ACOXL: variants seen among roughly 807,000 people sequenced by gnomAD.
The protein encoded by ACOXL is acyl-CoA oxidase like.
In ACOXL, 70 loss-of-function variants were observed where a neutral mutation model predicts 71.9. That is an observed-to-expected ratio of 0.97 (90% confidence interval 0.80 to 1.19). ACOXL has a LOEUF of 1.19. ACOXL is among the 50% of genes most tolerant of loss of function. The pLI is 0.00. For missense variants in ACOXL, 703 were observed against 736.3 expected (o/e 0.95, Z 0.52); for synonymous variants, 253 against 281.6 (o/e 0.90, Z 1.02).
At chr2:111,002,274 GA>G (rs1341195076) in intron 14 of ACOXL, among the ~76,000 whole-genome samples, 4 of 152,008 alleles carry the variant, frequency 2.6e-5, no homozygotes, top group Middle Eastern at 3.2e-3. Flanking sequence ...TTTATTTTAA[GA>G]TGCTAAATTT....
rs193128770 is a variant in ACOXL, at chr2:111,019,424, C to T, written c.1282-12203C>T. Among the ~76,000 whole-genome samples, 853 of 152,306 alleles carry T rather than the reference C, an allele frequency of 5.6e-3. 6 individuals are homozygous for T. The highest frequency in any genetic ancestry group is 0.01 in the Middle Eastern group (3 of 294). On this transcript the variant is annotated intron_variant, in intron 14 of 17. Coordinates refer to ENST00000439055, the MANE Select transcript of ACOXL (RefSeq NM_001142807.4). ...GATCATCCAACAATCATTTTCTATT[C>T]CGAAAGGCTCGGTAATGAAAACCGG...
chr2:110,944,072 T>C (rs993321154), intron 12 of ACOXL, among the ~76,000 whole-genome samples: 11 of 152,184 alleles, frequency 7.2e-5, no homozygotes, highest in African/African-American at 2.4e-4. Context: ...TTTATTTTTA[T>C]TTTTTGAGAC....
At chr2:110,811,706 G>A (rs1318394391) in intron 9 of ACOXL, among the ~76,000 whole-genome samples, 6 of 123,590 alleles carry the variant, frequency 4.9e-5, no homozygotes, top group Admixed American at 3.5e-4. Flanking sequence ...TCAGACTGAC[G>A]TTATCCTTTT....
intron 11 of ACOXL, 112 bp from the exon 12 acceptor site, chr2:110,933,377 G>C: frequency 1.5e-6 from 2 of 1,299,426 alleles, no homozygotes; most frequent in East Asian, 4.9e-5. Context: ...CTGCATCACT[G>C]ACATCATATT....
intron 10 of ACOXL, among the ~76,000 whole-genome samples, chr2:110,850,923 T>C (rs1692520527): frequency 6.6e-6 from 1 of 152,172 alleles, no homozygotes; most frequent in South Asian, 2.1e-4. Flanking sequence ...TGTCCTTCCA[T>C]TGGGAAGTGG....
At chr2:111,078,942 C>G (rs968793012) in intron 16 of ACOXL, among the ~76,000 whole-genome samples, 1 of 152,148 alleles carries the variant, frequency 6.6e-6, no homozygotes, top group Non-Finnish European at 1.5e-5. Context: ...CGGTTTGGCC[C>G]TCAAACCTTT....
intron 14 of ACOXL, among the ~76,000 whole-genome samples, chr2:111,021,340 A>G (rs1453549338): frequency 3.9e-5 from 6 of 152,178 alleles, no homozygotes; most frequent in Admixed American, 3.9e-4. Flanking sequence ...ACAAGCTGGG[A>G]ACTGTGGACA....
At chr2:110,883,671 C>T (rs1696943242) in intron 10 of ACOXL, among the ~76,000 whole-genome samples, 1 of 152,186 alleles carries the variant, frequency 6.6e-6, no homozygotes, top group African/African-American at 2.4e-5. Context: ...ACACACACAA[C>T]TCTAAGTGCT....
rs1369257079 is a variant in ACOXL, at chr2:110,761,303, C to G, written c.-22-7065C>G. ...TGCTGTAGCAATTGCTGTTGACACC[C>G]AAGATCCCTTTACTAGGCTTGCATA... On this transcript the variant is annotated intron_variant, in intron 1 of 17. Coordinates refer to ENST00000439055, the MANE Select transcript of ACOXL (RefSeq NM_001142807.4). Among the ~76,000 whole-genome samples the G allele has an allele frequency of 2.0e-5, 3 of 152,152 alleles. No homozygotes were observed. The East Asian group carries it at 5.8e-4, about 29-fold the overall frequency.
chr2:111,009,523 A>T (rs2064040570), intron 14 of ACOXL, among the ~76,000 whole-genome samples: 2 of 151,952 alleles, frequency 1.3e-5, no homozygotes, highest in African/African-American at 4.8e-5. Flanking sequence ...CAAAAAAAAA[A>T]AAAAAGAAAA....
intron 12 of ACOXL, among the ~76,000 whole-genome samples, chr2:110,967,678 TCAA>T (rs1446914630): frequency 1.3e-5 from 2 of 152,048 alleles, no homozygotes; most frequent in African/African-American, 4.8e-5. Context: ...AATAGACAAA[TCAA>T]CAATTATAGT....
At chr2:110,805,125 C>T (rs1184344755) in intron 8 of ACOXL, 138 bp from the exon 9 acceptor site, 23 of 1,125,230 alleles carry the variant, frequency 2.0e-5, no homozygotes, top group African/African-American at 7.8e-5. Flanking sequence ...CCCTTATCGG[C>T]GCTCTGTCTC....
intron 15 of ACOXL, among the ~76,000 whole-genome samples, chr2:111,042,881 G>A (rs2065849616): frequency 6.6e-6 from 1 of 152,196 alleles, no homozygotes; most frequent in Non-Finnish European, 1.5e-5. Flanking sequence ...TGACCAGCAA[G>A]CCAGAGGACA....
chr2:111,117,371 A>G (rs376583511), intron 17 of ACOXL, among the ~76,000 whole-genome samples: 9 of 152,314 alleles, frequency 5.9e-5, no homozygotes, highest in East Asian at 3.9e-4. Flanking sequence ...CCCCACGTCC[A>G]CGCCCACCCC....
chr2:110,815,400 T>C (rs1401679764), intron 9 of ACOXL, among the ~76,000 whole-genome samples: 2 of 152,244 alleles, frequency 1.3e-5, no homozygotes, highest in African/African-American at 4.8e-5. Context: ...GAAATCTATT[T>C]CATATTCTCC....
chr2:110,997,720 G>A (rs75836874), intron 14 of ACOXL, among the ~76,000 whole-genome samples: 8,545 of 152,252 alleles, frequency 0.056, 421 homozygotes, highest in South Asian at 0.13. Context: ...TAAAAAGATT[G>A]GCGGTCCCTG....
chr2:110,913,621 C>T (rs1010112676), intron 11 of ACOXL, among the ~76,000 whole-genome samples: 5 of 152,066 alleles, frequency 3.3e-5, no homozygotes, highest in African/African-American at 9.7e-5. Flanking sequence ...GTATTTAGGC[C>T]AGTCTTGCAT....
intron 15 of ACOXL, among the ~76,000 whole-genome samples, chr2:111,039,700 C>T (rs547343292): frequency 1.3e-5 from 2 of 152,206 alleles, no homozygotes; most frequent in South Asian, 2.1e-4. Context: ...CAGAAGTTCT[C>T]CCTTCATTGG....
At position 111,046,978 on chromosome 2, in the gene ACOXL, A is replaced by G. The variant is rs193223624; in HGVS notation, c.1370-2240A>G. 2.8e-3 allele frequency among the ~76,000 whole-genome samples: 428 copies of G among 152,314 alleles called. 3 individuals are homozygous for G. Among genetic ancestry groups the G allele is most frequent in the African/African-American group, 9.9e-3 (412 of 41,578 alleles). On this transcript the variant is annotated intron_variant, in intron 15 of 17. Transcript: ENST00000439055. ...GCAGTGGGCATGGAGGCTGGGAAAG[A>G]GCGAGAAGTTCTCCAGAAATCAAAG...
Sources: allele counts gnomAD v4.1 joint callset (sites outside exome capture counted in the v4.1 genomes callset), GRCh38; gene constraint gnomAD v4.1.1; transcripts MANE v1.5; gene names NCBI Gene and HGNC (gene_info 2026-07-23, HGNC 2026-07-21).